The following PGGHG variants were observed in gnomAD, a reference collection of about 807,000 sequenced individuals.
PGGHG encodes the protein ATH1, acid trehalase-like 1.
In PGGHG, 67 loss-of-function variants were observed where a neutral mutation model predicts 74.5. That is an observed-to-expected ratio of 0.90 (90% CI 0.74 to 1.10). The LOEUF is 1.10. Among genes scored for constraint, PGGHG ranks in the 50% least tolerant of loss-of-function variants. PGGHG has a pLI of 0.00. For missense variants in PGGHG, 1,034 were observed against 981.5 expected, an observed-to-expected ratio of 1.05 and a Z score of -0.72; for synonymous variants, 496 against 419.9, an observed-to-expected ratio of 1.18 and a Z score of -2.21.
In PGGHG at chr11:294,590, G is replaced by A. The variant is rs752653190; in HGVS notation, c.2055G>A (p.Arg685=). The change falls in exon 14 of 14, where the codon CGG becomes CGA. Residue 685 remains arginine (R), a synonymous_variant. Transcript: ENST00000409548. ...HKVSFPRSAG[R]IQMSPPKLPG... is the part of the protein sequence containing the mutation. Reference sequence around the variant, plus strand: ...TCTCCTTTCCCCGCTCGGCTGGCCGGATACAAATGTCACCCCCGAAGCTGC... The same window carrying A: ...TCTCCTTTCCCCGCTCGGCTGGCCGAATACAAATGTCACCCCCGAAGCTGC... 2 of 1,241,730 alleles carry A rather than the reference G, an allele frequency of 1.6e-6. No individual in the cohort carries two copies. The highest frequency in any genetic ancestry group is 2.1e-6 in the Non-Finnish European group (2 of 968,710). 76.9% of individuals were successfully genotyped at this position (1,241,730 alleles called of 1,614,324 possible).
At position 289,503 on chromosome 11, in the gene PGGHG, T is replaced by G. The variant is rs1590280347; in HGVS notation, c.-14+264T>G. ...ACAGAGGGTGGGGGCAAGACCGGGG[T>G]TGTGGGGGGTGCGTTTGGAAAGCAG... On this transcript the variant is annotated intron_variant, in intron 1 of 13. Coordinates refer to ENST00000409548, the MANE Select transcript of PGGHG (RefSeq NM_025092.5). The surrounding 1 kb of genome is among the most constrained non-coding windows in gnomAD (Gnocchi z 5.6). The G allele has an allele frequency of 7.5e-5, 20 of 268,384 alleles. No homozygotes were observed. Among genetic ancestry groups the G allele is most frequent in the East Asian group, 1.7e-4 (2 of 11,820 alleles). 16.6% of individuals were successfully genotyped at this position (268,384 alleles called of 1,614,324 possible).
At chr11:294,246 C>T (rs780148273) in intron 12 of PGGHG, 21 bp from the exon 13 acceptor site, 1 of 1,594,802 alleles carries the variant, frequency 6.3e-7, no homozygotes, top group South Asian at 1.1e-5. Flanking sequence ...CCTGCCACCT[C>T]ACAAGCCTCT....
Position 290,795 on chromosome 11 carries a change from G to A in PGGHG, c.588G>A (p.Arg196=). Residue 196 remains arginine, a synonymous_variant, in exon 4 of 14, where the codon AGG becomes AGA. Coordinates refer to ENST00000409548, the MANE Select transcript of PGGHG (RefSeq NM_025092.5). ...CCCTTGGGGAAGGTGAGGAGGCTAGGACGTGGGACTTCCTGACAGCAGTGG... is the reference window on the plus strand; with the variant it reads ...CCCTTGGGGAAGGTGAGGAGGCTAGAACGTGGGACTTCCTGACAGCAGTGG... ...DLTLGEGEEA[R]TWDFLTAVGG... is the part of the protein sequence containing the mutation. The A allele has an allele frequency of 1.9e-6, 3 of 1,612,722 alleles. No individual in the cohort carries two copies. In the East Asian group the frequency reaches 6.7e-5, roughly 36 times the overall value.
rs1209243581 is a variant in PGGHG, at chr11:293,825, C to T, written c.1615-5C>T. On this transcript the variant is annotated splice_region_variant and splice_polypyrimidine_tract_variant and intron_variant, in intron 10 of 13. Coordinates refer to ENST00000409548, the MANE Select transcript of PGGHG (RefSeq NM_025092.5). ...CCCTGTGTGTCCTCTTACCTCTGAC[C>T]CCAGAGCATGTTTGCTGTGGGCTGG... The T allele has an allele frequency of 6.2e-7, 1 of 1,613,644 alleles. No homozygotes were observed. The highest frequency in any genetic ancestry group is 2.2e-5 in the East Asian group (1 of 44,870).
intron 2 of PGGHG, 124 bp from the exon 3 acceptor site, chr11:290,266 C>T (rs1590282142): frequency 2.2e-6 from 3 of 1,352,958 alleles, no homozygotes; most frequent in Non-Finnish European, 3.0e-6. Flanking sequence ...GTAGCGGGAA[C>T]GAGCAGCCGA....
chr11:294,476 C>T lies in PGGHG; in HGVS notation c.2018C>T (p.Pro673Leu), dbSNP rs555826699. Residue 673 changes from proline to leucine, a missense_variant and splice_region_variant, in exon 13 of 14, where the codon CCA becomes CTA. Physicochemically the swap from Pro to Leu is moderately conservative, Grantham distance 98. Coordinates refer to ENST00000409548, the MANE Select transcript of PGGHG (RefSeq NM_025092.5). ...TCCCAGTCCCGGCTCTCCCTGTTGC[C>T]AGGTAGAACAGCCCCCAACAGCCCA... ...WPSQSRLSLL[P>L]GHKVSFPRSA... The T allele has an allele frequency of 1.2e-6, 2 of 1,607,720 alleles. No homozygotes were observed. The highest frequency in any genetic ancestry group is 2.2e-5 in the South Asian group (2 of 90,446).
intron 9 of PGGHG, 23 bp from the exon 10 acceptor site, chr11:293,571 C>T: frequency 1.2e-6 from 2 of 1,613,302 alleles, no homozygotes; most frequent in Non-Finnish European, 1.7e-6. Context: ...GAACACCTTC[C>T]AGTCAGCGGC....
rs773458119 is a variant in PGGHG, at chr11:292,053, G to A, written c.984G>A (p.Thr328=). 5 of 1,590,192 alleles carry A rather than the reference G, an allele frequency of 3.1e-6. No individual in the cohort carries two copies. The highest frequency in any genetic ancestry group is 2.3e-5 in the East Asian group (1 of 44,036). The change falls in exon 5 of 14, where the codon ACG becomes ACA. Residue 328 remains threonine, a synonymous_variant. Transcript: ENST00000409548. ...ARAILEYRIR[T]LDGALENAQN... Reference sequence around the variant, plus strand: ...CCATCCTGGAGTACCGCATCCGCACGCTGGACGGGGCCCTGGAGAACGCCC... The same window carrying A: ...CCATCCTGGAGTACCGCATCCGCACACTGGACGGGGCCCTGGAGAACGCCC...
rs139357995 is a variant in PGGHG at position 294,727 on chromosome 11, C to T, written c.2192C>T (p.Thr731Ile). ...TCCTCCAGCCCCACCGAGTCACTCA[C>T]TGTGGACCCTGCCTCTGAATAATCA... ...LGSSSPTESL[T>I]VDPASE Residue 731 changes from threonine to isoleucine, a missense_variant, in exon 14 of 14, where the codon ACT (threonine) becomes ATT (isoleucine). Coordinates refer to ENST00000409548, the MANE Select transcript of PGGHG (RefSeq NM_025092.5). The T allele has an allele frequency of 7.5e-6, 12 of 1,602,798 alleles. No individual in the cohort carries two copies. In the African/African-American group the frequency reaches 1.5e-4, roughly 20 times the overall value.
rs772931146 is a variant in PGGHG at position 293,767 on chromosome 11, C to G, written c.1614+40C>G. 1.2e-5 allele frequency: 19 copies of G among 1,613,280 alleles called. No homozygotes were observed. In the Admixed American group the frequency reaches 2.5e-4, roughly 21 times the overall value. Reference sequence around the variant, plus strand: ...GCTGTGGAGTTCCTACCCCATTGGCCTCAGTCTTCTCTGCCCACGCAGTGG... The same window carrying G: ...GCTGTGGAGTTCCTACCCCATTGGCGTCAGTCTTCTCTGCCCACGCAGTGG... On this transcript the variant is annotated intron_variant, in intron 10 of 13. Transcript: ENST00000409548.
rs1845691158 is a variant in PGGHG at position 290,665 on chromosome 11, C to T, written c.471-13C>T. 6.2e-7 allele frequency: 1 copy of T among 1,609,246 alleles called. No individual in the cohort carries two copies. Among genetic ancestry groups the T allele is most frequent in the Non-Finnish European group, 8.5e-7 (1 of 1,177,498 alleles). Reference sequence around the variant, plus strand: ...AGGGAGCTCATCCCTGAGGCATGGCCACGCTCTCACAGGTACCTGTATGGC... The same window carrying T: ...AGGGAGCTCATCCCTGAGGCATGGCTACGCTCTCACAGGTACCTGTATGGC... On this transcript the variant is annotated splice_polypyrimidine_tract_variant and intron_variant, in intron 3 of 13. Transcript: ENST00000409548.
rs373537355 is a variant in PGGHG at position 290,965 on chromosome 11, G to A, written c.758G>A (p.Arg253His). 30 of 1,612,548 alleles carry A rather than the reference G, an allele frequency of 1.9e-5. No homozygotes were observed. The highest frequency in any genetic ancestry group is 2.3e-5 in the Non-Finnish European group (27 of 1,180,006). ...GACGTGGTGGGGCCCCTGCAGCTGC[G>A]CCAGGCCCTGCGTGGCTCCCTCTAC... ...GLDVVGPLQLRQALRGSLYYL... is the reference protein window; with the variant it reads ...GLDVVGPLQLHQALRGSLYYL... The change falls in exon 4 of 14, where the codon CGC becomes CAC. Residue 253 changes from arginine to histidine, a missense_variant. Arg to His is a conservative substitution (Grantham distance 29). Transcript: ENST00000409548.
In PGGHG at chr11:290,874, G is replaced by A. The variant is rs766732835; in HGVS notation, c.667G>A (p.Ala223Thr). 3.1e-6 allele frequency: 5 copies of A among 1,611,440 alleles called. No individual in the cohort carries two copies. The East Asian group carries it at 8.9e-5, about 29-fold the overall frequency. ...ACLTEALQLQ[A>T]RGALYTAHAQ... ...CCTCACTGAGGCCCTGCAGCTGCAGGCCAGGGGAGCTCTGTATACGGCTCA... is the reference window on the plus strand; with the variant it reads ...CCTCACTGAGGCCCTGCAGCTGCAGACCAGGGGAGCTCTGTATACGGCTCA... Residue 223 changes from alanine (A) to threonine (T), a missense_variant, in exon 4 of 14, where the codon GCC (alanine) becomes ACC (threonine). Transcript: ENST00000409548.
rs1209702010 is a variant in PGGHG, at chr11:295,298, T to G, written c.*549T>G. The G allele has an allele frequency of 6.6e-6, 1 of 152,362 alleles. No homozygotes were observed. The highest frequency in any genetic ancestry group is 2.4e-5 in the African/African-American group (1 of 41,458). 9.4% of individuals were successfully genotyped at this position (152,362 alleles called of 1,614,324 possible). ...GTCTCAATCCCAGGCTCCTCTTGAC[T>G]CTGGGCAGCTTTAATCAGGTTGGGC... On this transcript the variant is annotated 3_prime_UTR_variant, in exon 14 of 14. Transcript: ENST00000409548.
chr11:290,898 C>G lies in PGGHG; in HGVS notation c.691C>G (p.His231Asp). Reference sequence around the variant, plus strand: ...GGCCAGGGGAGCTCTGTATACGGCTCACGCACAGGCCTGGGCCCAGCTCTG... The same window carrying G: ...GGCCAGGGGAGCTCTGTATACGGCTGACGCACAGGCCTGGGCCCAGCTCTG... ...LQARGALYTAHAQAWAQLWVE... is the reference protein window; with the variant it reads ...LQARGALYTADAQAWAQLWVE... Residue 231 changes from histidine (H) to aspartate (D), a missense_variant, in exon 4 of 14, where the codon CAC becomes GAC. Physicochemically the swap from His to Asp is moderately conservative, Grantham distance 81 (BLOSUM62 -1). Transcript: ENST00000409548. 1 of 1,611,868 alleles carries G rather than the reference C, an allele frequency of 6.2e-7. No homozygotes were observed.
intron 10 of PGGHG, 39 bp from the exon 11 acceptor site, chr11:293,791 G>A (rs1845797902): frequency 6.2e-7 from 1 of 1,613,430 alleles, no homozygotes; most frequent in Non-Finnish European, 8.5e-7. Flanking sequence ...CCCACGCAGT[G>A]GGCCTCACCC....
At position 292,654 on chromosome 11, in the gene PGGHG, G is replaced by A. The variant is rs758468353; in HGVS notation, c.1135G>A (p.Glu379Lys). The change falls in exon 6 of 14, where the codon GAG (glutamate) becomes AAG (lysine). Residue 379 changes from glutamate (E) to lysine (K), a missense_variant. Coordinates refer to ENST00000409548, the MANE Select transcript of PGGHG (RefSeq NM_025092.5). ...CAACGGGGCCGTGGTGTTGGCCTTC[G>A]AGCTGTACTACCATACCACCCAGGT... Reference protein sequence around the residue: ...HVNGAVVLAFELYYHTTQDLQ... With the variant: ...HVNGAVVLAFKLYYHTTQDLQ... 5.8e-5 allele frequency: 94 copies of A among 1,613,668 alleles called. No individual in the cohort carries two copies. The highest frequency in any genetic ancestry group is 7.6e-5 in the Non-Finnish European group (90 of 1,180,002).
At chr11:292,454 G>GT in intron 5 of PGGHG, 92 bp from the exon 6 acceptor site, 1 of 1,514,186 alleles carries the variant, frequency 6.6e-7, no homozygotes, top group Non-Finnish European at 9.0e-7. Context: ...CGCAGGCCGA[G>GT]CCCCCCCTCC....
rs148680130 is a variant in PGGHG, at chr11:292,671, C to T, written c.1152C>T (p.Thr384=). The part of the protein sequence containing the change: ...VVLAFELYYH[T]TQDLQLFREA... Reference sequence around the variant, plus strand: ...TGGCCTTCGAGCTGTACTACCATACCACCCAGGTGAGGTGCTGCGTGCCCA... The same window carrying T: ...TGGCCTTCGAGCTGTACTACCATACTACCCAGGTGAGGTGCTGCGTGCCCA... The change falls in exon 6 of 14, where the codon ACC becomes ACT. Residue 384 remains threonine (T), a synonymous_variant. Transcript: ENST00000409548. 4.3e-6 allele frequency: 7 copies of T among 1,613,764 alleles called. 1 individual carries two copies. The South Asian group carries it at 7.7e-5, about 18-fold the overall frequency.
Sources: allele counts gnomAD v4.1 joint callset, GRCh38; gene constraint gnomAD v4.1.1; non-coding constraint Gnocchi (gnomAD v3.1); transcripts MANE v1.5; gene names NCBI Gene and HGNC (gene_info 2026-07-23, HGNC 2026-07-21).